KCNK9: variants seen among roughly 807,000 people sequenced by gnomAD.
KCNK9 encodes the protein potassium channel subfamily K member 9.
KCNK9 carries 1 observed loss-of-function variant against 10.8 expected under a neutral mutation model. The observed-to-expected ratio is 0.09, with a 90% confidence interval of 0.03 to 0.44. The LOEUF is 0.44. Among genes scored for constraint, KCNK9 ranks in the 20% least tolerant of loss-of-function variants. The pLI is 0.97. For missense variants in KCNK9, 303 were observed against 515.0 expected (o/e 0.59, Z 3.98); for synonymous variants, 231 against 222.7 (o/e 1.04, Z -0.33).
At chr8:139,691,479 G>T (rs1816932948) in intron 1 of KCNK9, among the ~76,000 whole-genome samples, 1 of 152,172 alleles carries the variant, frequency 6.6e-6, no homozygotes, top group African/African-American at 2.4e-5. Context: ...GAACAACATA[G>T]TAACACAACT....
intron 2 of KCNK9, among the ~76,000 whole-genome samples, chr8:139,602,444 C>A (rs958472162): frequency 6.6e-6 from 1 of 152,002 alleles, no homozygotes; most frequent in African/African-American, 2.4e-5. Flanking sequence ...GGACTTAGAA[C>A]GCAGCAATGC....
At chr8:139,658,053 A>G (rs1035813160) in intron 1 of KCNK9, among the ~76,000 whole-genome samples, 2 of 152,236 alleles carry the variant, frequency 1.3e-5, no homozygotes, top group African/African-American at 4.8e-5. Flanking sequence ...TGGTTGTATC[A>G]GGTCAGGGTC....
At position 139,702,785 on chromosome 8, in the gene KCNK9, C is replaced by T. The variant is rs1817260872; in HGVS notation, c.208G>A (p.Glu70Lys). 6.2e-7 allele frequency: 1 copy of T among 1,613,730 alleles called. No individual in the cohort carries two copies. Among genetic ancestry groups the T allele is most frequent in the Non-Finnish European group, 8.5e-7 (1 of 1,179,898 alleles). The change falls in exon 1 of 2, where the codon GAA becomes AAA. Residue 70 changes from glutamate to lysine, a missense_variant. Around this residue, in one of 5 missense-constraint regions of KCNK9, gnomAD observed 58 missense variants for 102.4 expected, o/e 0.57. Transcript: ENST00000520439. This position sits in a 1 kb window ranked among gnomAD's most constrained non-coding sequence, Gnocchi z 7.5. ...CACTGGACGCCGGCGCGGTGCGGTT[C>T]CGACTGCAGGATCACCAGCTCCAGC... ...RQLELVILQS[E>K]PHRAGVQWKF... is the part of the protein sequence containing the mutation.
intron 1 of KCNK9, among the ~76,000 whole-genome samples, chr8:139,672,206 C>G (rs1479421125): frequency 6.6e-6 from 1 of 152,138 alleles, no homozygotes; most frequent in East Asian, 1.9e-4. Flanking sequence ...CTCTCTAGGA[C>G]AGGACACACA....
downstream of KCNK9, among the ~76,000 whole-genome samples, chr8:139,613,268 G>A (rs1177373615): frequency 2.0e-5 from 3 of 152,186 alleles, no homozygotes; most frequent in Admixed American, 2.0e-4. Flanking sequence ...GTCTAGGGAA[G>A]CTCATTGGAC....
At chr8:139,699,524 C>T (rs1817146954) in intron 1 of KCNK9, among the ~76,000 whole-genome samples, 1 of 152,174 alleles carries the variant, frequency 6.6e-6, no homozygotes, top group African/African-American at 2.4e-5. Context: ...AAGTTTAGAA[C>T]TAAACATAAT....
At position 139,617,946 on chromosome 8, in the gene KCNK9, C is replaced by T. The variant is rs1814650682; in HGVS notation, c.*312G>A. 2.6e-6 allele frequency: 1 copy of T among 386,094 alleles called. No homozygotes were observed. The highest frequency in any genetic ancestry group is 3.8e-5 in the Admixed American group (1 of 26,192). 23.9% of individuals were successfully genotyped at this position (386,094 alleles called of 1,614,324 possible). On this transcript the variant is annotated 3_prime_UTR_variant, in exon 2 of 2. Transcript: ENST00000520439. ...GGTCTCACATCTGTCCCGGGAAAAC[C>T]ACTGCAGAGATGATGGGGTGGGTGG...
downstream of KCNK9, among the ~76,000 whole-genome samples, chr8:139,608,460 G>T (rs777671435): frequency 1.8e-4 from 28 of 152,262 alleles, no homozygotes; most frequent in Non-Finnish European, 2.6e-4. Context: ...GCATTTGCCA[G>T]ATGTGTTTGA....
downstream of KCNK9, among the ~76,000 whole-genome samples, chr8:139,609,599 T>C (rs1316705155): frequency 6.6e-6 from 1 of 152,214 alleles, no homozygotes; most frequent in Non-Finnish European, 1.5e-5. Flanking sequence ...CTGCAGATAC[T>C]GATGACTCAC....
chr8:139,630,050 G>C (rs993361734), intron 1 of KCNK9, among the ~76,000 whole-genome samples: 5 of 151,962 alleles, frequency 3.3e-5, no homozygotes, highest in Non-Finnish European at 7.4e-5. Flanking sequence ...TGGTTGCCTA[G>C]GGGTTGCGGG....
At chr8:139,654,183 TTGTC>T (rs112740019) in intron 1 of KCNK9, among the ~76,000 whole-genome samples, 2,129 of 152,362 alleles carry the variant, frequency 0.014, 49 homozygotes, top group African/African-American at 0.049. Context: ...TAGCTGAAGT[TTGTC>T]TGAATTTTCT....
intron 2 of KCNK9, among the ~76,000 whole-genome samples, chr8:139,606,944 G>T (rs1447994803): frequency 6.6e-6 from 1 of 152,174 alleles, no homozygotes; most frequent in African/African-American, 2.4e-5. Context: ...GGACTGAGAT[G>T]ATCTCATAAG....
intron 1 of KCNK9, among the ~76,000 whole-genome samples, chr8:139,668,710 C>A (rs2129727504): frequency 6.6e-6 from 1 of 152,342 alleles, no homozygotes; most frequent in Admixed American, 6.5e-5. Flanking sequence ...GCGTGAGCCA[C>A]CGCGCCCGTC....
At chr8:139,696,787 G>T (rs920651254) in intron 1 of KCNK9, among the ~76,000 whole-genome samples, 2 of 148,134 alleles carry the variant, frequency 1.4e-5, no homozygotes, top group African/African-American at 5.2e-5. Flanking sequence ...GGATGAGTGG[G>T]TAAATGGATA....
At chr8:139,678,300 G>C (rs1816609551) in intron 1 of KCNK9, among the ~76,000 whole-genome samples, 1 of 152,188 alleles carries the variant, frequency 6.6e-6, no homozygotes, top group East Asian at 1.9e-4. Context: ...CACCTTGCAG[G>C]CAGCTCCCTT....
chr8:139,641,639 CCG>C (rs201812313), intron 1 of KCNK9, among the ~76,000 whole-genome samples: 1 of 149,026 alleles, frequency 6.7e-6, no homozygotes, highest in Non-Finnish European at 1.5e-5. Context: ...TGCCCCCCCC[CCG>C]CACTTTCTGC....
At chr8:139,625,633 AATATACTTAGTGGGTCTCTTTG>A (rs1480344432) in intron 1 of KCNK9, among the ~76,000 whole-genome samples, 6 of 151,950 alleles carry the variant, frequency 3.9e-5, no homozygotes, top group Non-Finnish European at 8.8e-5. Flanking sequence ...TGGCCTCTTT[AATATACTTAGTGGGTCTCTTTG>A]ATCTGTCCTG....
At chr8:139,635,550 A>G (rs1338932636) in intron 1 of KCNK9, among the ~76,000 whole-genome samples, 2 of 152,240 alleles carry the variant, frequency 1.3e-5, no homozygotes, top group Admixed American at 6.5e-5. Context: ...AGAGTGAGAG[A>G]CCTAAACACA....
At chr8:139,603,405 C>T (rs902732548) in intron 2 of KCNK9, among the ~76,000 whole-genome samples, 2 of 152,168 alleles carry the variant, frequency 1.3e-5, no homozygotes, top group Non-Finnish European at 2.9e-5. Context: ...AGTTGTGGAT[C>T]GTGCACTGAT....
Sources: gnomAD v4.1 joint callset for allele counts (sites outside exome capture counted in the v4.1 genomes callset) on GRCh38, gnomAD v4.1.1 for gene constraint, gnomAD v4.1.1 regional missense constraint, Gnocchi (gnomAD v3.1) non-coding constraint, MANE v1.5 for transcripts, NCBI Gene and HGNC (gene_info 2026-07-23, HGNC 2026-07-21) for gene names.